DAB1: variants seen among roughly 807,000 people sequenced by gnomAD.
The protein encoded by DAB1 is DAB adaptor protein 1.
Under a neutral mutation model 64.6 loss-of-function variants are expected in DAB1, and 15 were observed. The observed-to-expected ratio is 0.23, with a 90% CI of 0.16 to 0.36. The LOEUF is 0.36. Ranked by LOEUF, DAB1 falls within the 10% of genes least tolerant of loss-of-function variation. DAB1 has a pLI of 1.00. For missense variants in DAB1, 596 were observed against 706.7 expected, an observed-to-expected ratio of 0.84 and a Z score of 1.78; for synonymous variants, 235 against 251.9, an observed-to-expected ratio of 0.93 and a Z score of 0.64.
chr1:58,163,467 G>A (rs978721667), intron 4 of DAB1, among the ~76,000 whole-genome samples: 1 of 152,140 alleles, frequency 6.6e-6, no homozygotes, highest in Non-Finnish European at 1.5e-5. Flanking sequence ...GACAAAATTA[G>A]CAAAATCAAC....
chr1:58,513,702 T>C (rs1242326158), intron 2 of DAB1, among the ~76,000 whole-genome samples: 1 of 152,190 alleles, frequency 6.6e-6, no homozygotes, highest in Non-Finnish European at 1.5e-5. Context: ...TTATTAACAG[T>C]CACTTATATG....
At chr1:57,896,276 C>T (rs1023798069) in intron 5 of DAB1, among the ~76,000 whole-genome samples, 6 of 152,054 alleles carry the variant, frequency 3.9e-5, no homozygotes, top group Admixed American at 2.0e-4. Flanking sequence ...AGGGAAAGTC[C>T]TATATCAGTG....
intron 4 of DAB1, among the ~76,000 whole-genome samples, chr1:58,267,818 C>T (rs1661209150): frequency 6.6e-6 from 1 of 152,156 alleles, no homozygotes; most frequent in Admixed American, 6.5e-5. Flanking sequence ...GCATTAATAT[C>T]TATTTAGATC....
chr1:57,076,706 C>T (rs1398691982), intron 4 of DAB1, among the ~76,000 whole-genome samples: 1 of 152,184 alleles, frequency 6.6e-6, no homozygotes, highest in African/African-American at 2.4e-5. Flanking sequence ...TATAGTGTAC[C>T]TATGACGGAA....
intron 7 of DAB1, among the ~76,000 whole-genome samples, chr1:57,482,073 T>C (rs1024545442): frequency 2.6e-5 from 4 of 152,142 alleles, no homozygotes; most frequent in South Asian, 2.1e-4. Context: ...TAAATATCTA[T>C]GCATGAGGGG....
At chr1:57,307,947 A>G (rs1674339678) in intron 1 of DAB1, among the ~76,000 whole-genome samples, 1 of 152,086 alleles carries the variant, frequency 6.6e-6, no homozygotes, top group African/African-American at 2.4e-5. Flanking sequence ...CTCCTGTCCA[A>G]TCTGTTGAAT....
intron 2 of DAB1, among the ~76,000 whole-genome samples, chr1:58,511,103 T>C (rs1292448913): frequency 6.6e-6 from 1 of 152,182 alleles, no homozygotes; most frequent in Non-Finnish European, 1.5e-5. Flanking sequence ...ATTGGCACTT[T>C]TCTTATAGAA....
chr1:57,366,100 T>A (rs1295620055), intron 1 of DAB1, among the ~76,000 whole-genome samples: 1 of 152,194 alleles, frequency 6.6e-6, no homozygotes, highest in Non-Finnish European at 1.5e-5. Context: ...CAGGACCAGC[T>A]TTAGCCAAGG....
At chr1:58,247,308 G>A (rs1289584634) in intron 4 of DAB1, among the ~76,000 whole-genome samples, 5 of 146,928 alleles carry the variant, frequency 3.4e-5, no homozygotes, top group Non-Finnish European at 5.9e-5. Flanking sequence ...GACTGTAGAA[G>A]TTGTCCATTC....
chr1:58,510,177 C>CA (rs1319890859), intron 2 of DAB1, among the ~76,000 whole-genome samples: 227 of 150,906 alleles, frequency 1.5e-3, no homozygotes, highest in South Asian at 3.1e-3. Flanking sequence ...AAAGACACTA[C>CA]AAAAAAAAAT....
intron 4 of DAB1, among the ~76,000 whole-genome samples, chr1:58,206,753 A>G (rs1015108271): frequency 2.0e-5 from 3 of 152,184 alleles, no homozygotes; most frequent in Admixed American, 6.5e-5. Flanking sequence ...ATTGCTTTGC[A>G]TTTGGTTAGT....
intron 11 of DAB1, among the ~76,000 whole-genome samples, chr1:57,021,353 C>T (rs552238250): frequency 6.6e-6 from 1 of 152,346 alleles, no homozygotes; most frequent in East Asian, 1.9e-4. Context: ...AGTGCTGTGA[C>T]TGACCCAGTG....
chr1:57,018,444 C>T (rs1201660661), intron 11 of DAB1, among the ~76,000 whole-genome samples: 1 of 152,150 alleles, frequency 6.6e-6, no homozygotes, highest in Non-Finnish European at 1.5e-5. Flanking sequence ...AGTTCTCTTT[C>T]TTTTCTTTCT....
At chr1:57,840,402 G>C (rs1652997342) in intron 1 of DAB1, among the ~76,000 whole-genome samples, 1 of 152,102 alleles carries the variant, frequency 6.6e-6, no homozygotes, top group African/African-American at 2.4e-5. Flanking sequence ...CAAAGGCATA[G>C]AAGTGTGAAA....
At chr1:57,376,451 G>T (rs1030868999) in intron 1 of DAB1, among the ~76,000 whole-genome samples, 2 of 152,224 alleles carry the variant, frequency 1.3e-5, no homozygotes, top group Non-Finnish European at 2.9e-5. Context: ...ACCACTAGGA[G>T]ATTAATAAAG....
intron 4 of DAB1, chr1:58,150,711 T>C (rs1004676883): frequency 2.0e-5 from 3 of 152,038 alleles, no homozygotes; most frequent in Non-Finnish European, 4.4e-5. Context: ...TTTTATACTT[T>C]AAGTTCTAGG....
intron 3 of DAB1, among the ~76,000 whole-genome samples, chr1:58,471,572 A>C (rs1557430609): frequency 6.6e-6 from 1 of 152,282 alleles, no homozygotes; most frequent in East Asian, 1.9e-4. Flanking sequence ...TCCCCATCCA[A>C]ATCTCATGTC....
intron 3 of DAB1, among the ~76,000 whole-genome samples, chr1:58,347,552 G>A (rs1644013232): frequency 6.6e-6 from 1 of 152,166 alleles, no homozygotes; most frequent in Non-Finnish European, 1.5e-5. Context: ...CAGTGCTGTG[G>A]ATCCCAGTAA....
At chr1:57,210,831 A>G (rs1665942880) in intron 2 of DAB1, among the ~76,000 whole-genome samples, 1 of 152,252 alleles carries the variant, frequency 6.6e-6, no homozygotes, top group South Asian at 2.1e-4. Flanking sequence ...GGCCAGATGA[A>G]ATAGTTTTCA....
Sources: gnomAD v4.1 joint callset for allele counts (sites outside exome capture counted in the v4.1 genomes callset) on GRCh38, gnomAD v4.1.1 for gene constraint, MANE v1.5 for transcripts, NCBI Gene and HGNC (gene_info 2026-07-23, HGNC 2026-07-21) for gene names.